Variants in ADCY2 observed in about 807,000 individuals in gnomAD.
ADCY2 encodes adenylate cyclase 2.
A neutral mutation model predicts 125.2 loss-of-function variants in ADCY2; 31 were observed. The ratio of observed to expected loss-of-function variants is 0.25; its 90% CI spans 0.19 to 0.33. The LOEUF is 0.33. Among genes scored for constraint, ADCY2 ranks in the 10% least tolerant of loss-of-function variants. The pLI is 1.00. For synonymous variants in ADCY2, 512 were observed against 548.4 expected, an observed-to-expected ratio of 0.93 and a Z score of 0.93; for missense variants, 904 against 1,418.2, an observed-to-expected ratio of 0.64 and a Z score of 5.82.
At chr5:7,532,527 TA>T (rs911640252) in intron 3 of ADCY2, among the ~76,000 whole-genome samples, 1 of 152,254 alleles carries the variant, frequency 6.6e-6, no homozygotes, top group African/African-American at 2.4e-5. Context: ...CACATTTGTC[TA>T]ATTTTTTATT....
At chr5:7,804,129 G>A (rs1016133589) in intron 21 of ADCY2, among the ~76,000 whole-genome samples, 30 of 146,868 alleles carry the variant, frequency 2.0e-4, no homozygotes, top group African/African-American at 7.6e-4. Context: ...AACCATTCTA[G>A]ATCTTTATTC....
intron 11 of ADCY2, among the ~76,000 whole-genome samples, chr5:7,716,616 C>A (rs1360143435): frequency 6.6e-6 from 1 of 152,168 alleles, no homozygotes; most frequent in Non-Finnish European, 1.5e-5. Context: ...TAGAGAAGAG[C>A]CTGCTCATAG....
intron 3 of ADCY2, among the ~76,000 whole-genome samples, chr5:7,552,979 A>G (rs1369790590): frequency 6.6e-6 from 1 of 152,186 alleles, no homozygotes; most frequent in Non-Finnish European, 1.5e-5. Context: ...CTGGCCACTC[A>G]GGGGACAGGT....
At chr5:7,449,425 A>G (rs931733907) in intron 2 of ADCY2, among the ~76,000 whole-genome samples, 1 of 152,146 alleles carries the variant, frequency 6.6e-6, no homozygotes, top group African/African-American at 2.4e-5. Context: ...ACAAAAGAGC[A>G]CCTCTGCCTT....
rs1426303067 is a variant in ADCY2 at position 7,396,772 on chromosome 5, G to A, written c.210+266G>A. On this transcript the variant is annotated intron_variant, in intron 1 of 24. Coordinates refer to ENST00000338316, the MANE Select transcript of ADCY2 (RefSeq NM_020546.3). The surrounding 1 kb of genome is among the most constrained non-coding windows in gnomAD (Gnocchi z 5.7). ...GAGGTGTTCACCAGGTGGACGGGCA[G>A]GGCGTGTGCTTTTTGCATCTTTGCG... Among the ~76,000 whole-genome samples the A allele has an allele frequency of 1.3e-5, 2 of 152,160 alleles. No homozygotes were observed. The highest frequency in any genetic ancestry group is 2.9e-5 in the Non-Finnish European group (2 of 68,028).
intron 2 of ADCY2, among the ~76,000 whole-genome samples, chr5:7,450,961 C>T (rs1359409779): frequency 6.6e-6 from 1 of 152,090 alleles, no homozygotes; most frequent in Non-Finnish European, 1.5e-5. Flanking sequence ...TTGAGGCCTA[C>T]TGCTTAGAAA....
intron 3 of ADCY2, among the ~76,000 whole-genome samples, chr5:7,589,510 G>A (rs1293901140): frequency 1.1e-5 from 1 of 88,050 alleles, no homozygotes; most frequent in East Asian, 3.3e-4. Context: ...AAGAAAGAAA[G>A]AAAAGAAAAG....
rs138892102 is a variant in ADCY2 at position 7,595,138 on chromosome 5, G to A, written c.571-31029G>A. ...ATAATTATTCCCTTATAATGACCAC[G>A]TTGCAACAGGTACCCAAACACCTGA... On this transcript the variant is annotated intron_variant, in intron 3 of 24. Coordinates refer to ENST00000338316, the MANE Select transcript of ADCY2 (RefSeq NM_020546.3). Among the ~76,000 whole-genome samples, 59 of 152,208 alleles carry A rather than the reference G, an allele frequency of 3.9e-4. No individual in the cohort carries two copies. The East Asian group carries it at 0.01, about 26-fold the overall frequency.
intron 3 of ADCY2, among the ~76,000 whole-genome samples, chr5:7,584,581 T>A (rs1304083377): frequency 6.6e-6 from 1 of 152,136 alleles, no homozygotes; most frequent in Admixed American, 6.5e-5. Context: ...TAACTGTGGT[T>A]ATCTGAAATG....
chr5:7,786,133 A>C (rs1456413365), intron 19 of ADCY2, among the ~76,000 whole-genome samples: 1 of 152,180 alleles, frequency 6.6e-6, no homozygotes, highest in Admixed American at 6.5e-5. Flanking sequence ...ATTCTTCATA[A>C]CCATTCTTTA....
chr5:7,756,088 A>G (rs1281538114), intron 15 of ADCY2, among the ~76,000 whole-genome samples: 4 of 152,244 alleles, frequency 2.6e-5, no homozygotes, highest in Non-Finnish European at 2.9e-5. Context: ...TAGTGTGAAG[A>G]TAACAATGTC....
intron 2 of ADCY2, among the ~76,000 whole-genome samples, chr5:7,484,702 G>A (rs1244119598): frequency 6.6e-6 from 1 of 152,056 alleles, no homozygotes; most frequent in East Asian, 1.9e-4. Flanking sequence ...GTGGCTCTCC[G>A]ATCTTGGGCC....
intron 4 of ADCY2, among the ~76,000 whole-genome samples, chr5:7,683,519 C>T (rs558238601): frequency 1.3e-4 from 20 of 152,298 alleles, no homozygotes; most frequent in African/African-American, 4.8e-4. Context: ...CTCAAAGTCA[C>T]TATCTGTGAC....
intron 20 of ADCY2, chr5:7,797,380 T>G (rs1474402349): frequency 6.6e-6 from 1 of 152,236 alleles, no homozygotes; most frequent in Non-Finnish European, 1.5e-5. Flanking sequence ...TTGAATGTTT[T>G]CTAGAACACT....
chr5:7,722,654 C>A (rs561882116), intron 12 of ADCY2, among the ~76,000 whole-genome samples: 1 of 152,106 alleles, frequency 6.6e-6, no homozygotes, highest in South Asian at 2.1e-4. Flanking sequence ...AAGAACTATG[C>A]AGCCATAAAA....
chr5:7,743,542 A>G, intron 14 of ADCY2, 126 bp from the exon 15 acceptor site: 2 of 827,352 alleles, frequency 2.4e-6, no homozygotes, highest in South Asian at 1.7e-5. Flanking sequence ...TTATTTCTCA[A>G]AAATTTAGTG....
chr5:7,638,792 C>T (rs976144590), intron 4 of ADCY2, among the ~76,000 whole-genome samples: 1 of 152,188 alleles, frequency 6.6e-6, no homozygotes, highest in African/African-American at 2.4e-5. Flanking sequence ...ACTCTGAAAT[C>T]TTTGGCGGTG....
At chr5:7,647,777 T>A (rs1249644597) in intron 4 of ADCY2, among the ~76,000 whole-genome samples, 1 of 152,226 alleles carries the variant, frequency 6.6e-6, no homozygotes, top group East Asian at 1.9e-4. Context: ...ATTTAGAAAT[T>A]TAAACATCTA....
At chr5:7,589,829 G>A (rs1479578394) in intron 3 of ADCY2, among the ~76,000 whole-genome samples, 2 of 152,068 alleles carry the variant, frequency 1.3e-5, no homozygotes, top group African/African-American at 2.4e-5. Flanking sequence ...GCATCCAGAG[G>A]AAACACTACT....
Sources: gnomAD v4.1 joint callset for allele counts (sites outside exome capture counted in the v4.1 genomes callset) on GRCh38, gnomAD v4.1.1 for gene constraint, Gnocchi (gnomAD v3.1) non-coding constraint, MANE v1.5 for transcripts, NCBI Gene and HGNC (gene_info 2026-07-23, HGNC 2026-07-21) for gene names.